Variants in MYT1L observed in about 807,000 individuals in gnomAD.
MYT1L encodes myelin transcription factor 1 like.
In MYT1L, 12 loss-of-function variants were observed where a neutral mutation model predicts 126.7. That is an observed-to-expected ratio of 0.09 (90% CI 0.06 to 0.15). The LOEUF is 0.15. MYT1L is among the 10% of genes least tolerant of loss of function. The pLI, the probability that MYT1L is intolerant of heterozygous loss-of-function variation, is 1.00. For missense variants in MYT1L, 979 were observed against 1,585.2 expected (o/e 0.62, Z 6.49); for synonymous variants, 541 against 604.2 (o/e 0.90, Z 1.53).
chr2:2,133,742 T>C (rs2082676007), intron 3 of MYT1L, among the ~76,000 whole-genome samples: 1 of 152,176 alleles, frequency 6.6e-6, no homozygotes, highest in Admixed American at 6.5e-5. Context: ...CTAAAGGTGG[T>C]ACCCACCCTC....
intron 18 of MYT1L, among the ~76,000 whole-genome samples, chr2:1,879,752 T>C (rs1238063066): frequency 2.0e-5 from 3 of 152,168 alleles, no homozygotes; most frequent in African/African-American, 7.2e-5. Flanking sequence ...ACAGGAATAC[T>C]GTATATATTA....
chr2:1,940,043 A>G (rs2056461675), intron 9 of MYT1L, among the ~76,000 whole-genome samples: 2 of 152,242 alleles, frequency 1.3e-5, no homozygotes, highest in Admixed American at 1.3e-4. Flanking sequence ...AGGGCATGCA[A>G]ATGCTGTTGT....
intron 1 of MYT1L, among the ~76,000 whole-genome samples, chr2:2,293,515 G>A (rs1333800755): frequency 6.6e-6 from 1 of 152,198 alleles, no homozygotes; most frequent in Non-Finnish European, 1.5e-5. Flanking sequence ...GTGGAGCTGG[G>A]CTTCCCTCGG....
At chr2:2,062,022 C>G (rs536738789) in intron 3 of MYT1L, among the ~76,000 whole-genome samples, 1 of 152,182 alleles carries the variant, frequency 6.6e-6, no homozygotes, top group Admixed American at 6.5e-5. Context: ...GGGGGCTGCG[C>G]GGTTTCCCAT....
At chr2:1,992,389 C>A (rs1322859363) in intron 5 of MYT1L, among the ~76,000 whole-genome samples, 1 of 152,146 alleles carries the variant, frequency 6.6e-6, no homozygotes, top group Non-Finnish European at 1.5e-5. Flanking sequence ...TGGACACCAC[C>A]CTCCTCCATG....
intron 2 of MYT1L, among the ~76,000 whole-genome samples, chr2:2,207,595 A>G (rs748858181): frequency 6.6e-5 from 10 of 152,196 alleles, no homozygotes; most frequent in Non-Finnish European, 1.5e-4. Flanking sequence ...TATTTGGTTC[A>G]CCACTAAGCC....
intron 2 of MYT1L, among the ~76,000 whole-genome samples, chr2:2,191,946 A>G (rs562952486): frequency 5.1e-4 from 78 of 152,350 alleles, no homozygotes; most frequent in Non-Finnish European, 8.4e-4. Flanking sequence ...AGCAGACCCT[A>G]CGTTATCCAT....
chr2:1,946,005 C>T (rs1021254200), intron 8 of MYT1L, among the ~76,000 whole-genome samples: 3 of 152,072 alleles, frequency 2.0e-5, no homozygotes, highest in Admixed American at 1.3e-4. Context: ...CAGGAGGGGG[C>T]GGCAGGCAAG....
intron 4 of MYT1L, among the ~76,000 whole-genome samples, chr2:1,998,131 G>A (rs890421456): frequency 6.6e-6 from 1 of 152,172 alleles, no homozygotes; most frequent in African/African-American, 2.4e-5. Flanking sequence ...TCGCCACTAG[G>A]TCCTCGGGGA....
intron 2 of MYT1L, among the ~76,000 whole-genome samples, chr2:2,235,173 G>A (rs540586166): frequency 7.9e-5 from 12 of 152,158 alleles, no homozygotes; most frequent in Middle Eastern, 3.4e-3. Flanking sequence ...CCCTTAGAGG[G>A]GTGTGTGTTA....
intron 4 of MYT1L, among the ~76,000 whole-genome samples, chr2:2,007,389 A>G (rs1222890996): frequency 1.3e-5 from 2 of 152,186 alleles, no homozygotes; most frequent in African/African-American, 4.8e-5. Context: ...GTATCAATCA[A>G]TTTAGAAGGT....
At chr2:2,312,753 C>G (rs1397964791) in intron 1 of MYT1L, among the ~76,000 whole-genome samples, 1 of 152,188 alleles carries the variant, frequency 6.6e-6, no homozygotes, top group East Asian at 1.9e-4. Flanking sequence ...ATTAGGCTAA[C>G]CAAGGACAGA....
At chr2:2,013,956 A>C (rs1276038582) in intron 4 of MYT1L, among the ~76,000 whole-genome samples, 2 of 152,224 alleles carry the variant, frequency 1.3e-5, no homozygotes, top group East Asian at 3.9e-4. Flanking sequence ...TGTTTGCTCC[A>C]TGCATCACAG....
chr2:2,042,271 G>A (rs1038479152), intron 4 of MYT1L, among the ~76,000 whole-genome samples: 3 of 152,158 alleles, frequency 2.0e-5, no homozygotes, highest in African/African-American at 7.2e-5. Flanking sequence ...AGGTTATGTG[G>A]ATTAAATGCA....
chr2:2,304,140 T>C (rs1450581846), intron 1 of MYT1L: 1 of 152,226 alleles, frequency 6.6e-6, no homozygotes, highest in East Asian at 1.9e-4. Context: ...AAATTCACTA[T>C]TTAAATTCCA....
At chr2:2,135,974 C>T (rs1559112726) in intron 3 of MYT1L, among the ~76,000 whole-genome samples, 3 of 152,112 alleles carry the variant, frequency 2.0e-5, no homozygotes, top group African/African-American at 7.2e-5. Context: ...GAAACCAACC[C>T]AAATGTTCAT....
At chr2:2,173,322 C>T (rs926504591) in intron 2 of MYT1L, among the ~76,000 whole-genome samples, 8 of 152,158 alleles carry the variant, frequency 5.3e-5, no homozygotes, top group African/African-American at 1.4e-4. Flanking sequence ...CAGATGATTG[C>T]TTCTTTAACG....
intron 10 of MYT1L, among the ~76,000 whole-genome samples, chr2:1,921,132 C>A (rs555384584): frequency 6.6e-6 from 1 of 152,320 alleles, no homozygotes; most frequent in East Asian, 1.9e-4. Flanking sequence ...AAGTAAATTC[C>A]TGAACCTCAC....
intron 2 of MYT1L, among the ~76,000 whole-genome samples, chr2:2,239,875 T>C (rs1320351089): frequency 1.5e-5 from 2 of 137,090 alleles, no homozygotes; most frequent in East Asian, 2.8e-4. Flanking sequence ...TCTTGAGTCT[T>C]CTCTCTGCCC....
Sources: gnomAD v4.1 joint callset for allele counts (sites outside exome capture counted in the v4.1 genomes callset) on GRCh38, gnomAD v4.1.1 for gene constraint, MANE v1.5 for transcripts, NCBI Gene and HGNC (gene_info 2026-07-23, HGNC 2026-07-21) for gene names.